Variants in LAMA2 observed in about 807,000 individuals in gnomAD.
LAMA2 encodes the protein laminin subunit alpha 2.
A neutral mutation model predicts 364.8 loss-of-function variants in LAMA2; 269 were observed. The observed-to-expected ratio is 0.74, with a 90% CI of 0.67 to 0.82. The LOEUF is 0.82. LAMA2 is among the 40% of genes least tolerant of loss of function. The pLI, the probability that LAMA2 is intolerant of heterozygous loss-of-function variation, is 0.00. For missense variants in LAMA2, 3,807 were observed against 3,873.2 expected (o/e 0.98, Z 0.45); for synonymous variants, 1,379 against 1,370.6 (o/e 1.01, Z -0.14).
intron 4 of LAMA2, among the ~76,000 whole-genome samples, chr6:129,126,712 G>T (rs1457103311): frequency 6.6e-6 from 1 of 152,264 alleles, no homozygotes; most frequent in Non-Finnish European, 1.5e-5. Flanking sequence ...AAATAAGTTT[G>T]TAAATTCAGA....
chr6:129,021,810 T>C (rs894788028), intron 1 of LAMA2, among the ~76,000 whole-genome samples: 1 of 152,234 alleles, frequency 6.6e-6, no homozygotes, highest in Admixed American at 6.5e-5. Flanking sequence ...CACTTAAATA[T>C]ATGTTATTTC....
chr6:129,056,286 G>T (rs1195303954), intron 2 of LAMA2, among the ~76,000 whole-genome samples: 1 of 152,080 alleles, frequency 6.6e-6, no homozygotes, highest in South Asian at 2.1e-4. Context: ...TTTCACCAGG[G>T]TCATTTATTT....
chr6:129,484,873 G>T (rs537206797), intron 55 of LAMA2, among the ~76,000 whole-genome samples: 1 of 152,146 alleles, frequency 6.6e-6, no homozygotes, highest in African/African-American at 2.4e-5. Flanking sequence ...CTGAAATTTG[G>T]TGGTAGATTT....
At chr6:129,444,997 A>G (rs1367074662) in intron 44 of LAMA2, among the ~76,000 whole-genome samples, 2 of 152,250 alleles carry the variant, frequency 1.3e-5, no homozygotes, top group Non-Finnish European at 2.9e-5. Context: ...TGAAATTGCC[A>G]ATATGTAACC....
At chr6:129,063,670 C>T (rs1789089868) in intron 3 of LAMA2, among the ~76,000 whole-genome samples, 1 of 152,116 alleles carries the variant, frequency 6.6e-6, no homozygotes, top group Non-Finnish European at 1.5e-5. Flanking sequence ...TCCCTCAAAA[C>T]TAAGAATGCG....
intron 34 of LAMA2, among the ~76,000 whole-genome samples, chr6:129,379,046 G>T (rs747415282): frequency 6.6e-6 from 1 of 152,214 alleles, no homozygotes; most frequent in Non-Finnish European, 1.5e-5. Flanking sequence ...ATGAGTTCAT[G>T]TCCTTTGCAG....
chr6:128,998,007 G>A (rs575452407), intron 1 of LAMA2, among the ~76,000 whole-genome samples: 37 of 152,074 alleles, frequency 2.4e-4, no homozygotes, highest in Non-Finnish European at 5.0e-4. Context: ...AAAGGACCCT[G>A]AGTTATTATA....
intron 1 of LAMA2, among the ~76,000 whole-genome samples, chr6:128,993,661 T>A (rs1783746989): frequency 6.6e-6 from 1 of 152,048 alleles, no homozygotes; most frequent in Admixed American, 6.6e-5. Flanking sequence ...AGATTGTTTT[T>A]AAAAAAACAT....
At chr6:129,098,133 T>A (rs1482121983) in intron 3 of LAMA2, 40 bp from the exon 4 acceptor site, 1 of 1,604,482 alleles carries the variant, frequency 6.2e-7, no homozygotes, top group African/African-American at 1.3e-5. Context: ...ATGAGAATAT[T>A]TGGGAATTCA....
chr6:129,336,951 G>A (rs1775991400), intron 29 of LAMA2, among the ~76,000 whole-genome samples: 1 of 152,312 alleles, frequency 6.6e-6, no homozygotes, highest in Non-Finnish European at 1.5e-5. Context: ...AAAATATCCT[G>A]ACAGATGATA....
intron 4 of LAMA2, among the ~76,000 whole-genome samples, chr6:129,137,542 T>C (rs1424648490): frequency 6.6e-6 from 1 of 152,032 alleles, no homozygotes; most frequent in Non-Finnish European, 1.5e-5. Flanking sequence ...TTATTGTAGC[T>C]CTAAAATAAT....
chr6:129,052,167 G>C (rs1345807657), intron 2 of LAMA2, among the ~76,000 whole-genome samples: 1 of 130,962 alleles, frequency 7.6e-6, no homozygotes, highest in South Asian at 2.3e-4. Flanking sequence ...GCAGAGTTTC[G>C]CTCTGTCGCC....
intron 47 of LAMA2, among the ~76,000 whole-genome samples, chr6:129,455,734 A>C (rs930031952): frequency 7.2e-5 from 11 of 152,194 alleles, no homozygotes; most frequent in Admixed American, 5.2e-4. Context: ...CAATTTGTAC[A>C]CTGAAATCTG....
intron 1 of LAMA2, among the ~76,000 whole-genome samples, chr6:128,957,836 ATTTTTTTTTTTTTT>A (rs10652900): frequency 2.0e-5 from 1 of 51,264 alleles, no homozygotes; most frequent in Admixed American, 3.0e-4. Flanking sequence ...TACTTCATGC[ATTTTTTTTTTTTTT>A]TTTTTTTTTG....
At chr6:129,155,693 A>G (rs765061925) in intron 8 of LAMA2, among the ~76,000 whole-genome samples, 57 of 152,144 alleles carry the variant, frequency 3.7e-4, no homozygotes, top group Non-Finnish European at 7.2e-4. Flanking sequence ...ACATGGATCA[A>G]TTTCTAGAAC....
At chr6:129,338,715 C>T (rs994226105) in intron 29 of LAMA2, among the ~76,000 whole-genome samples, 1 of 152,230 alleles carries the variant, frequency 6.6e-6, no homozygotes, top group East Asian at 1.9e-4. Context: ...CTAAAAGGAG[C>T]ATTTAAGCCA....
intron 1 of LAMA2, among the ~76,000 whole-genome samples, chr6:128,919,485 G>C (rs921451116): frequency 1.3e-5 from 2 of 152,100 alleles, no homozygotes; most frequent in Non-Finnish European, 2.9e-5. Flanking sequence ...TTATGAAACT[G>C]CCCTTTTTGT....
chr6:129,319,270 G>A (rs1052792840), intron 27 of LAMA2, among the ~76,000 whole-genome samples: 2 of 152,150 alleles, frequency 1.3e-5, no homozygotes, highest in African/African-American at 2.4e-5. Flanking sequence ...GTGCCTGTAC[G>A]AAATAATTGA....
intron 4 of LAMA2, among the ~76,000 whole-genome samples, chr6:129,124,061 CA>C (rs1345139654): frequency 6.6e-6 from 1 of 152,142 alleles, no homozygotes; most frequent in African/African-American, 2.4e-5. Flanking sequence ...TCAACCTCAA[CA>C]TGTTTTTTTT....
Sources: gnomAD v4.1 joint callset for allele counts (sites outside exome capture counted in the v4.1 genomes callset) on GRCh38, gnomAD v4.1.1 for gene constraint, MANE v1.5 for transcripts, NCBI Gene and HGNC (gene_info 2026-07-23, HGNC 2026-07-21) for gene names.